Variants in SLC10A7 observed in about 807,000 individuals in gnomAD.
SLC10A7 encodes the protein solute carrier family 10 member 7.
SLC10A7 carries 29 observed loss-of-function variants against 43.2 expected under a neutral mutation model. The observed-to-expected ratio is 0.67, with a 90% CI of 0.50 to 0.92. The LOEUF is 0.92. SLC10A7 is among the 40% of genes least tolerant of loss of function. The probability of loss-of-function intolerance (pLI) is 0.00; values close to 1 mark genes in which losing one functional copy is unlikely to be tolerated. For missense variants in SLC10A7, 295 were observed against 403.2 expected, an observed-to-expected ratio of 0.73 and a Z score of 2.30; for synonymous variants, 152 against 144.8, an observed-to-expected ratio of 1.05 and a Z score of -0.35.
intron 5 of SLC10A7, among the ~76,000 whole-genome samples, chr4:146,383,592 C>T (rs1737787688): frequency 6.6e-6 from 1 of 152,182 alleles, no homozygotes; most frequent in African/African-American, 2.4e-5. Flanking sequence ...TTCAATATAT[C>T]TCTGCTTTTG....
chr4:146,445,926 C>T (rs761635196), intron 4 of SLC10A7, among the ~76,000 whole-genome samples: 43 of 151,432 alleles, frequency 2.8e-4, no homozygotes, highest in Middle Eastern at 3.4e-3. Flanking sequence ...CACGTGCGCA[C>T]GCGCGTGCAC....
At chr4:146,264,529 G>A (rs374647481) in intron 10 of SLC10A7, among the ~76,000 whole-genome samples, 6 of 152,048 alleles carry the variant, frequency 3.9e-5, no homozygotes, top group Non-Finnish European at 8.8e-5. Flanking sequence ...TGAGTTACTG[G>A]TCTAGGTGGT....
intron 4 of SLC10A7, among the ~76,000 whole-genome samples, chr4:146,495,711 A>G (rs1387773292): frequency 6.6e-6 from 1 of 151,626 alleles, no homozygotes; most frequent in African/African-American, 2.4e-5. Flanking sequence ...TGCTCAGGAG[A>G]CATTCTTAAA....
At chr4:146,471,193 A>G (rs957973799) in intron 4 of SLC10A7, among the ~76,000 whole-genome samples, 13 of 152,186 alleles carry the variant, frequency 8.5e-5, no homozygotes, top group African/African-American at 3.1e-4. Context: ...ATTTTCTATG[A>G]GTGTCATGTT....
intron 10 of SLC10A7, among the ~76,000 whole-genome samples, chr4:146,271,718 C>T (rs892033390): frequency 6.6e-6 from 1 of 152,178 alleles, no homozygotes; most frequent in African/African-American, 2.4e-5. Context: ...GCCCCTCTCC[C>T]ATTACCATTC....
chr4:146,369,439 C>A (rs1425350345), intron 5 of SLC10A7, among the ~76,000 whole-genome samples: 3 of 152,174 alleles, frequency 2.0e-5, no homozygotes, highest in Non-Finnish European at 4.4e-5. Context: ...AAAACATCTT[C>A]ATTTTTAAAT....
intron 10 of SLC10A7, among the ~76,000 whole-genome samples, chr4:146,276,816 T>A (rs754897358): frequency 1.3e-5 from 2 of 152,010 alleles, no homozygotes; most frequent in Non-Finnish European, 2.9e-5. Context: ...TAGCCAGGCA[T>A]GGTGGCTCAG....
intron 8 of SLC10A7, 56 bp downstream of exon 8, chr4:146,293,874 C>G: frequency 7.9e-7 from 1 of 1,267,880 alleles, no homozygotes; most frequent in Non-Finnish European, 1.1e-6. Context: ...CACAGTGCTA[C>G]GCGTTGCTAT....
At chr4:146,453,862 C>T (rs1054020665) in intron 4 of SLC10A7, among the ~76,000 whole-genome samples, 12 of 151,988 alleles carry the variant, frequency 7.9e-5, no homozygotes, top group East Asian at 7.7e-4. Flanking sequence ...TGCAATAGTT[C>T]GTGCATACCA....
At chr4:146,301,901 A>G (rs942172521) in intron 7 of SLC10A7, among the ~76,000 whole-genome samples, 7 of 152,226 alleles carry the variant, frequency 4.6e-5, no homozygotes, top group African/African-American at 1.7e-4. Context: ...CACTTAAGAA[A>G]AAAAAAGCTA....
chr4:146,349,926 T>C (rs1734909353), intron 5 of SLC10A7, among the ~76,000 whole-genome samples: 1 of 152,004 alleles, frequency 6.6e-6, no homozygotes, highest in Non-Finnish European at 1.5e-5. Flanking sequence ...ATCCCAAACC[T>C]CAGCATTATT....
intron 9 of SLC10A7, among the ~76,000 whole-genome samples, chr4:146,289,790 A>G (rs903126472): frequency 5.4e-5 from 7 of 130,756 alleles, no homozygotes; most frequent in Non-Finnish European, 9.2e-5. Flanking sequence ...ATCTCAGCTC[A>G]CTGCAACCTC....
intron 5 of SLC10A7, chr4:146,442,504 T>C (rs1448352880): frequency 1.7e-6 from 2 of 1,206,542 alleles, no homozygotes; most frequent in African/African-American, 3.2e-5. Context: ...GATCAATATA[T>C]TGACATAACC....
intron 5 of SLC10A7, among the ~76,000 whole-genome samples, chr4:146,393,948 C>A (rs1015291904): frequency 6.6e-6 from 1 of 152,116 alleles, no homozygotes; most frequent in South Asian, 2.1e-4. Context: ...TTTCAAAGTA[C>A]AAACACATTT....
chr4:146,432,578 T>G (rs1714905160), intron 5 of SLC10A7, among the ~76,000 whole-genome samples: 2 of 152,170 alleles, frequency 1.3e-5, no homozygotes, highest in African/African-American at 4.8e-5. Flanking sequence ...AATCAGTGGC[T>G]GCCAGAGACT....
intron 4 of SLC10A7, among the ~76,000 whole-genome samples, chr4:146,460,187 C>T (rs1249373653): frequency 1.3e-5 from 2 of 151,920 alleles, no homozygotes; most frequent in Admixed American, 1.3e-4. Context: ...AAGAAACTGG[C>T]AGCTCAGTGT....
chr4:146,354,170 G>C (rs1309293289), intron 5 of SLC10A7, among the ~76,000 whole-genome samples: 9 of 146,848 alleles, frequency 6.1e-5, no homozygotes, highest in African/African-American at 2.3e-4. Flanking sequence ...TCCTTAAGCT[G>C]ATAAGCAACT....
At chr4:146,262,797 C>A (rs907399472) in intron 10 of SLC10A7, among the ~76,000 whole-genome samples, 2 of 152,218 alleles carry the variant, frequency 1.3e-5, no homozygotes, top group African/African-American at 4.8e-5. Context: ...TCTCTGCCTT[C>A]AGAGTTGTCC....
At chr4:146,483,682 T>C (rs1280610181) in intron 4 of SLC10A7, among the ~76,000 whole-genome samples, 2 of 151,936 alleles carry the variant, frequency 1.3e-5, no homozygotes, top group Non-Finnish European at 2.9e-5. Context: ...AGAGGATGAT[T>C]GGATTAAAAA....
Sources: gnomAD v4.1 joint callset for allele counts (sites outside exome capture counted in the v4.1 genomes callset) on GRCh38, gnomAD v4.1.1 for gene constraint, MANE v1.5 for transcripts, NCBI Gene and HGNC (gene_info 2026-07-23, HGNC 2026-07-21) for gene names.